DIAPH1: variants seen among roughly 807,000 people sequenced by gnomAD.
The protein encoded by DIAPH1 is protein diaphanous homolog 1.
Under a neutral mutation model 140.7 loss-of-function variants are expected in DIAPH1, and 46 were observed. The observed-to-expected ratio is 0.33, with a 90% confidence interval of 0.26 to 0.42. The LOEUF (loss-of-function observed/expected upper bound fraction) is 0.42, where lower values mean the gene tolerates loss of function less well. Among genes scored for constraint, DIAPH1 ranks in the 10% least tolerant of loss-of-function variants. The probability of loss-of-function intolerance (pLI) is 1.00; values close to 1 mark genes in which losing one functional copy is unlikely to be tolerated. For synonymous variants in DIAPH1, 565 were observed against 551.6 expected, an observed-to-expected ratio of 1.02 and a Z score of -0.34; for missense variants, 1,310 against 1,558.7, an observed-to-expected ratio of 0.84 and a Z score of 2.69.
chr5:141,606,204 G>T (rs2099900924), intron 1 of DIAPH1, among the ~76,000 whole-genome samples: 1 of 151,846 alleles, frequency 6.6e-6, no homozygotes. Context: ...TACTTTTTGT[G>T]GATATCCAGA....
At chr5:141,598,235 A>G (rs1319850876) in intron 1 of DIAPH1, among the ~76,000 whole-genome samples, 1 of 152,334 alleles carries the variant, frequency 6.6e-6, no homozygotes, top group East Asian at 1.9e-4. Flanking sequence ...TTTATATGCA[A>G]ATAATTATTA....
intron 18 of DIAPH1, among the ~76,000 whole-genome samples, chr5:141,556,431 T>C (rs986435053): frequency 5.3e-5 from 8 of 152,184 alleles, no homozygotes; most frequent in African/African-American, 1.7e-4. Flanking sequence ...TTAGAACGGG[T>C]GAGGCCCACT....
At chr5:141,582,407 C>G (rs372497698) in intron 6 of DIAPH1, 32 bp from the exon 7 acceptor site, 1 of 1,480,574 alleles carries the variant, frequency 6.8e-7, no homozygotes, top group African/African-American at 1.4e-5. Context: ...AGTGAGGTCC[C>G]TTTATTCTCT....
At chr5:141,589,931 T>C (rs1343976037) in intron 1 of DIAPH1, among the ~76,000 whole-genome samples, 1 of 151,838 alleles carries the variant, frequency 6.6e-6, no homozygotes, top group Non-Finnish European at 1.5e-5. Flanking sequence ...TTTTTTTTTT[T>C]AAAGAGACGG....
chr5:141,530,841 A>G (rs2099888107), intron 19 of DIAPH1, among the ~76,000 whole-genome samples: 1 of 152,236 alleles, frequency 6.6e-6, no homozygotes, highest in Non-Finnish European at 1.5e-5. Flanking sequence ...GTAAGCTTAT[A>G]GGAGGCATGT....
chr5:141,547,230 C>T (rs969238044), intron 18 of DIAPH1, among the ~76,000 whole-genome samples: 4 of 152,286 alleles, frequency 2.6e-5, no homozygotes, highest in South Asian at 2.1e-4. Flanking sequence ...CTTTGGGAGG[C>T]CAAGGCGGGC....
Position 141,583,319 on chromosome 5 carries a change from A to G in DIAPH1, c.534-27T>C, listed in dbSNP as rs542025600. 79 of 1,610,284 alleles carry G rather than the reference A, an allele frequency of 4.9e-5. No homozygotes were observed. In the South Asian group the frequency reaches 8.0e-4, roughly 16 times the overall value. On this transcript the variant is annotated intron_variant, in intron 5 of 27. Coordinates refer to ENST00000389054, the MANE Select transcript of DIAPH1 (RefSeq NM_005219.5). Reference sequence around the variant, plus strand: ...TGTAAGGAACAGAGAGAGGCAATGCAATATCAAACCAATAAATACTTATTT... The same window carrying G: ...TGTAAGGAACAGAGAGAGGCAATGCGATATCAAACCAATAAATACTTATTT...
rs1180851777 is a variant in DIAPH1, at chr5:141,515,067, T to C, written c.*1784A>G. On this transcript the variant is annotated 3_prime_UTR_variant, in exon 28 of 28. Coordinates refer to ENST00000389054, the MANE Select transcript of DIAPH1 (RefSeq NM_005219.5). The stretch of plus-strand genomic sequence containing the variant: ...ACAGTTGGAAACAAAACCAACAAAC[T>C]GGAGGTGATGACATCCCAGAAGCCT... 1 of 152,576 alleles carries C rather than the reference T, an allele frequency of 6.6e-6. No homozygotes were observed. Among genetic ancestry groups the C allele is most frequent in the East Asian group, 1.9e-4 (1 of 5,198 alleles). 9.5% of individuals were successfully genotyped at this position (152,576 alleles called of 1,614,324 possible).
At chr5:141,566,408 G>A (rs932537400) in intron 18 of DIAPH1, among the ~76,000 whole-genome samples, 25 of 152,166 alleles carry the variant, frequency 1.6e-4, no homozygotes, top group African/African-American at 5.6e-4. Context: ...GGAGTAACAC[G>A]GGTGTCAGTA....
intron 27 of DIAPH1, chr5:141,518,599 C>T (rs563092225): frequency 3.1e-5 from 8 of 259,694 alleles, no homozygotes; most frequent in South Asian, 2.6e-4. Context: ...CACAGCTCAC[C>T]GTAGCCTCAA....
At chr5:141,612,848 A>T (rs561789667) in intron 1 of DIAPH1, among the ~76,000 whole-genome samples, 104 of 152,310 alleles carry the variant, frequency 6.8e-4, no homozygotes, top group African/African-American at 2.4e-3. Flanking sequence ...TAAAACACAG[A>T]CAGATCTGAG....
chr5:141,574,097 C>T lies in DIAPH1; in HGVS notation c.1753G>A (p.Ala585Thr). The T allele has an allele frequency of 6.2e-7, 1 of 1,613,422 alleles. No homozygotes were observed. Among genetic ancestry groups the T allele is most frequent in the South Asian group, 1.1e-5 (1 of 91,006 alleles). ...SVPSRAPVPPAPPLPGDSGTI... is the reference protein window; with the variant it reads ...SVPSRAPVPPTPPLPGDSGTI... ...CCAGAGTCACCAGGTAAAGGAGGGG[C>T]AGGGGGAACAGGAGCACGACTAGGA... is the stretch of plus-strand genomic sequence containing the variant. Residue 585 changes from alanine to threonine, a missense_variant, in exon 16 of 28, where the codon GCC (alanine) becomes ACC (threonine). Transcript: ENST00000389054.
At chr5:141,618,329 T>C (rs938715378) in intron 1 of DIAPH1, 11 of 152,758 alleles carry the variant, frequency 7.2e-5, no homozygotes, top group African/African-American at 2.4e-4. Context: ...GGAGGAAAGT[T>C]AGCAGGTAAA....
chr5:141,527,712 A>AAAAAAAAAAAC lies in DIAPH1; in HGVS notation c.3149-26_3149-16dup. 2 of 1,567,116 alleles carry AAAAAAAAAAAC rather than the reference A, an allele frequency of 1.3e-6. No homozygotes were observed. The highest frequency in any genetic ancestry group is 2.4e-5 in the South Asian group (2 of 83,568). ...TTCAGCAGAAACTAAAAAAAAAAAA[A>AAAAAAAAAAAC]AAAAAAAAAACCATAAAAACAGACA... On this transcript the variant is annotated splice_polypyrimidine_tract_variant and intron_variant, in intron 23 of 27. Transcript: ENST00000389054.
At chr5:141,536,133 C>A in intron 18 of DIAPH1, 1 of 398,922 alleles carries the variant, frequency 2.5e-6, no homozygotes, top group South Asian at 1.8e-5. Context: ...AACCCTGTCT[C>A]TATAAAAAAA....
chr5:141,583,517 G>A lies in DIAPH1; in HGVS notation c.501C>T (p.Ser167=). 2 of 1,613,942 alleles carry A rather than the reference G, an allele frequency of 1.2e-6. No homozygotes were observed. Among genetic ancestry groups the A allele is most frequent in the Non-Finnish European group, 1.7e-6 (2 of 1,180,026 alleles). The change falls in exon 5 of 28, where the codon TCC becomes TCT. Residue 167 remains serine, a synonymous_variant. Transcript: ENST00000389054. The stretch of plus-strand genomic sequence containing the variant: ...GGTTGTTGTTGAGAGACACACGAAG[G>A]GACTCCAGGCAGCTGAGCAGAGGCA... ...RDMPLLSCLE[S]LRVSLNNNPV...
intron 27 of DIAPH1, among the ~76,000 whole-genome samples, chr5:141,523,059 T>C (rs2099886801): frequency 6.6e-6 from 1 of 152,216 alleles, no homozygotes; most frequent in African/African-American, 2.4e-5. Flanking sequence ...GGTCCCCCTT[T>C]CCAGGCTGTG....
intron 1 of DIAPH1, 23 bp downstream of exon 1, chr5:141,618,775 A>C (rs757877702): frequency 2.6e-6 from 4 of 1,514,356 alleles, no homozygotes; most frequent in Admixed American, 3.8e-5. Context: ...GCCAGGCAGG[A>C]GCGGGATGGG....
intron 1 of DIAPH1, among the ~76,000 whole-genome samples, chr5:141,593,795 G>A (rs2099898868): frequency 6.6e-6 from 1 of 152,164 alleles, no homozygotes; most frequent in Non-Finnish European, 1.5e-5. Flanking sequence ...CCAAATGCTT[G>A]CAAAGATGTG....
Sources: allele counts gnomAD v4.1 joint callset (sites outside exome capture counted in the v4.1 genomes callset), GRCh38; gene constraint gnomAD v4.1.1; transcripts MANE v1.5; gene names NCBI Gene and HGNC (gene_info 2026-07-23, HGNC 2026-07-21).